ZCCHC7: variants seen among roughly 807,000 people sequenced by gnomAD.
ZCCHC7 encodes zinc finger CCHC-type containing 7, also known as zinc finger CCHC domain-containing protein 7.
A neutral mutation model predicts 52.0 loss-of-function variants in ZCCHC7; 35 were observed. The ratio of observed to expected loss-of-function variants is 0.67; its 90% CI spans 0.51 to 0.89. The LOEUF is 0.89. Ranked by LOEUF, ZCCHC7 falls within the 40% of genes least tolerant of loss-of-function variation. The pLI is 0.00. For missense variants in ZCCHC7, 574 were observed against 649.1 expected (o/e 0.88, Z 1.26); for synonymous variants, 217 against 221.5 (o/e 0.98, Z 0.18).
chr9:37,324,329 G>A (rs1008151283), intron 5 of ZCCHC7, among the ~76,000 whole-genome samples: 10 of 152,188 alleles, frequency 6.6e-5, no homozygotes, highest in South Asian at 6.2e-4. Context: ...TGGGCTGGCC[G>A]CGCTCTCATT....
chr9:37,289,909 C>T (rs1415796760), intron 2 of ZCCHC7, among the ~76,000 whole-genome samples: 6 of 152,092 alleles, frequency 3.9e-5, no homozygotes, highest in Non-Finnish European at 4.4e-5. Context: ...ATGCTCTTAC[C>T]GCAGAAGTAC....
chr9:37,211,438 A>G (rs929001939), intron 2 of ZCCHC7, among the ~76,000 whole-genome samples: 1 of 152,136 alleles, frequency 6.6e-6, no homozygotes, highest in African/African-American at 2.4e-5. Flanking sequence ...TACATTATAC[A>G]TATTATTTTT....
intron 8 of ZCCHC7, among the ~76,000 whole-genome samples, 162 bp from the exon 9 acceptor site, chr9:37,356,673 A>G (rs1821720983): frequency 6.6e-6 from 1 of 152,240 alleles, no homozygotes; most frequent in Non-Finnish European, 1.5e-5. Context: ...TTTAGCAATC[A>G]GAAACTTGGA....
At chr9:37,317,258 A>G (rs974221310) in intron 5 of ZCCHC7, among the ~76,000 whole-genome samples, 1 of 152,238 alleles carries the variant, frequency 6.6e-6, no homozygotes, top group African/African-American at 2.4e-5. Flanking sequence ...AGAAATCTCT[A>G]AAGCCTAGAA....
At chr9:37,296,290 A>T (rs1013548734) in intron 2 of ZCCHC7, among the ~76,000 whole-genome samples, 1 of 152,226 alleles carries the variant, frequency 6.6e-6, no homozygotes, top group Non-Finnish European at 1.5e-5. Flanking sequence ...AAATATTACA[A>T]ATGTAAAAAA....
At chr9:37,142,806 AC>A (rs1425549951) in intron 2 of ZCCHC7, among the ~76,000 whole-genome samples, 2 of 151,938 alleles carry the variant, frequency 1.3e-5, no homozygotes, top group East Asian at 3.9e-4. Context: ...AACTTGAATA[AC>A]CTAAAATATA....
intron 2 of ZCCHC7, among the ~76,000 whole-genome samples, chr9:37,229,115 G>A (rs998634272): frequency 6.6e-6 from 1 of 152,266 alleles, no homozygotes; most frequent in African/African-American, 2.4e-5. Context: ...GATTACAGGT[G>A]TGAGCCATCG....
At chr9:37,283,104 A>C (rs970232773) in intron 2 of ZCCHC7, among the ~76,000 whole-genome samples, 1 of 151,994 alleles carries the variant, frequency 6.6e-6, no homozygotes, top group African/African-American at 2.4e-5. Context: ...TGTGCTCTTG[A>C]TATTATATTG....
At chr9:37,186,971 C>G (rs1460328182) in intron 2 of ZCCHC7, 1 of 271,722 alleles carries the variant, frequency 3.7e-6, no homozygotes, top group East Asian at 6.1e-5. Context: ...TCTTGTCATT[C>G]TAAAATAAGT....
At chr9:37,309,920 CAAAAAAA>C (rs748775336) in intron 5 of ZCCHC7, among the ~76,000 whole-genome samples, 1 of 85,082 alleles carries the variant, frequency 1.2e-5, no homozygotes, top group Non-Finnish European at 2.5e-5. Context: ...AGACTGTTTC[CAAAAAAA>C]AAAAAAAAAA....
intron 2 of ZCCHC7, among the ~76,000 whole-genome samples, chr9:37,200,579 T>G (rs764926721): frequency 6.6e-6 from 1 of 152,360 alleles, no homozygotes; most frequent in Non-Finnish European, 1.5e-5. Context: ...ATGGCTGATG[T>G]GCAACTGTTG....
At chr9:37,154,107 C>T (rs1027368140) in intron 2 of ZCCHC7, among the ~76,000 whole-genome samples, 1 of 152,004 alleles carries the variant, frequency 6.6e-6, no homozygotes, top group Non-Finnish European at 1.5e-5. Flanking sequence ...CCAGGCTGGT[C>T]TAGAACTCCT....
chr9:37,139,332 C>T (rs915254902), intron 2 of ZCCHC7, among the ~76,000 whole-genome samples: 17 of 151,964 alleles, frequency 1.1e-4, no homozygotes, highest in Non-Finnish European at 2.2e-4. Context: ...TGGGCATCCA[C>T]CATGTATTAT....
intron 2 of ZCCHC7, among the ~76,000 whole-genome samples, chr9:37,283,931 ATT>A (rs918652644): frequency 6.9e-6 from 1 of 145,656 alleles, no homozygotes. Flanking sequence ...TGAGCTGCTT[ATT>A]TTTTTTTTTT....
intron 2 of ZCCHC7, among the ~76,000 whole-genome samples, chr9:37,155,765 T>A (rs2132864251): frequency 6.6e-6 from 1 of 152,340 alleles, no homozygotes; most frequent in African/African-American, 2.4e-5. Flanking sequence ...TTGTTCTCTT[T>A]AAGTAGTACA....
chr9:37,287,183 C>T (rs189888545), intron 2 of ZCCHC7, among the ~76,000 whole-genome samples: 178 of 148,732 alleles, frequency 1.2e-3, no homozygotes, highest in African/African-American at 4.1e-3. Context: ...GCATGAGCCA[C>T]CATGCCCAGC....
chr9:37,357,529 G>A lies in ZCCHC7; in HGVS notation c.*261G>A. 3.7e-6 allele frequency: 1 copy of A among 269,108 alleles called. No homozygotes were observed. The highest frequency in any genetic ancestry group is 6.9e-6 in the Non-Finnish European group (1 of 145,476). 16.7% of individuals were successfully genotyped at this position (269,108 alleles called of 1,614,324 possible). A position where few individuals can be genotyped will look rare whatever the true frequency, so the allele number is the denominator to read the frequency against. ...TGTCATCTTTACTCAGAATCCTAGG[G>A]ATAGGTAGAAGAATTCATCTTTTCA... On this transcript the variant is annotated 3_prime_UTR_variant, in exon 9 of 9. Transcript: ENST00000336755.
At chr9:37,255,187 A>T (rs1367609622) in intron 2 of ZCCHC7, among the ~76,000 whole-genome samples, 1 of 152,102 alleles carries the variant, frequency 6.6e-6, no homozygotes, top group South Asian at 2.1e-4. Flanking sequence ...TAGAACAATT[A>T]TAACAGTATA....
At chr9:37,242,297 C>G (rs914953552) in intron 2 of ZCCHC7, among the ~76,000 whole-genome samples, 1 of 151,680 alleles carries the variant, frequency 6.6e-6, no homozygotes, top group South Asian at 2.1e-4. Context: ...AAATGATGTT[C>G]AAAGGAAATT....
Sources: allele counts gnomAD v4.1 joint callset (sites outside exome capture counted in the v4.1 genomes callset), GRCh38; gene constraint gnomAD v4.1.1; transcripts MANE v1.5; gene names NCBI Gene and HGNC (gene_info 2026-07-23, HGNC 2026-07-21).